The following CTNNA3 variants were observed in gnomAD, a reference collection of about 807,000 sequenced individuals.
CTNNA3 encodes catenin alpha-3.
CTNNA3 carries 76 observed loss-of-function variants against 95.7 expected under a neutral mutation model. The observed-to-expected ratio is 0.79, with a 90% CI of 0.66 to 0.96. The LOEUF (loss-of-function observed/expected upper bound fraction) is 0.96, where lower values mean the gene tolerates loss of function less well. Ranked by LOEUF, CTNNA3 falls within the 40% of genes least tolerant of loss-of-function variation. The pLI, the probability that CTNNA3 is intolerant of heterozygous loss-of-function variation, is 0.00. For missense variants in CTNNA3, 1,191 were observed against 1,089.8 expected, an observed-to-expected ratio of 1.09 and a Z score of -1.31; for synonymous variants, 431 against 374.4, an observed-to-expected ratio of 1.15 and a Z score of -1.74.
chr10:67,642,123 A>T (rs59723636), intron 2 of CTNNA3, among the ~76,000 whole-genome samples: 20,185 of 152,122 alleles, frequency 0.13, 2,411 homozygotes, highest in African/African-American at 0.32. Context: ...GACATAGGCA[A>T]AGGCAAAGAT....
chr10:66,245,972 A>G (rs979667936), intron 13 of CTNNA3, among the ~76,000 whole-genome samples: 1 of 152,192 alleles, frequency 6.6e-6, no homozygotes, highest in Non-Finnish European at 1.5e-5. Flanking sequence ...ATGGGCAACC[A>G]TTGGTGGGCC....
intron 5 of CTNNA3, among the ~76,000 whole-genome samples, chr10:67,244,951 C>T (rs182871979): frequency 1.5e-4 from 23 of 152,266 alleles, no homozygotes; most frequent in Non-Finnish European, 1.2e-4. Context: ...AAGCTTCTCC[C>T]CTTCTCTCAT....
At chr10:67,155,980 A>G (rs748824599) in intron 7 of CTNNA3, among the ~76,000 whole-genome samples, 26 of 152,114 alleles carry the variant, frequency 1.7e-4, no homozygotes, top group Non-Finnish European at 2.4e-4. Flanking sequence ...CTAGTTACAT[A>G]TAATGATCAG....
In CTNNA3 at chr10:67,689,900, A is replaced by G. The variant is rs574072889; in HGVS notation, c.-6+6100T>C. Among the ~76,000 whole-genome samples the G allele has an allele frequency of 4.6e-5, 7 of 152,290 alleles. No homozygotes were observed. The East Asian group carries it at 1.2e-3, about 25-fold the overall frequency. ...ATTCTAAGGAAAAACAGGACAGAATAGCAAGCAAAAGGGGTCTGATGGTAC... is the reference window on the plus strand; with the variant it reads ...ATTCTAAGGAAAAACAGGACAGAATGGCAAGCAAAAGGGGTCTGATGGTAC... On this transcript the variant is annotated intron_variant, in intron 1 of 17. Coordinates refer to ENST00000433211, the MANE Select transcript of CTNNA3 (RefSeq NM_013266.4).
chr10:66,351,313 TGTAA>T (rs1408357584), intron 12 of CTNNA3, among the ~76,000 whole-genome samples: 1 of 152,068 alleles, frequency 6.6e-6, no homozygotes, highest in Admixed American at 6.5e-5. Flanking sequence ...ATGAGGTTGC[TGTAA>T]GTATTTCCTC....
In CTNNA3 at chr10:67,583,795, T is replaced by G. The variant is rs549167956; in HGVS notation, c.292+23062A>C. Among the ~76,000 whole-genome samples, 8 of 152,296 alleles carry G rather than the reference T, an allele frequency of 5.3e-5. No individual in the cohort carries two copies. In the South Asian group the frequency reaches 1.7e-3, roughly 32 times the overall value. On this transcript the variant is annotated intron_variant, in intron 3 of 17. Coordinates refer to ENST00000433211, the MANE Select transcript of CTNNA3 (RefSeq NM_013266.4). ...TTTTCTCTAAACTTCTCTTCTCGCTTCGTTTAATTCATTTGATCTTCAATC... is the reference window on the plus strand; with the variant it reads ...TTTTCTCTAAACTTCTCTTCTCGCTGCGTTTAATTCATTTGATCTTCAATC...
upstream of CTNNA3, among the ~76,000 whole-genome samples, chr10:67,697,477 C>G (rs1206353546): frequency 1.3e-5 from 2 of 152,152 alleles, no homozygotes; most frequent in Non-Finnish European, 2.9e-5. Flanking sequence ...CTATCATAAG[C>G]CTAGCTTGTC....
At chr10:66,662,351 G>A (rs1294355485) in intron 9 of CTNNA3, among the ~76,000 whole-genome samples, 3 of 152,112 alleles carry the variant, frequency 2.0e-5, no homozygotes, top group Non-Finnish European at 4.4e-5. Context: ...AACTTTAAGA[G>A]GGCGTTTAGC....
chr10:65,938,225 C>A (rs1173698274), intron 17 of CTNNA3, among the ~76,000 whole-genome samples: 1 of 152,132 alleles, frequency 6.6e-6, no homozygotes, highest in Non-Finnish European at 1.5e-5. Flanking sequence ...TCCGTTGATA[C>A]TAGAATCTTA....
At chr10:66,518,086 A>G (rs1418955253) in intron 11 of CTNNA3, among the ~76,000 whole-genome samples, 1 of 152,126 alleles carries the variant, frequency 6.6e-6, no homozygotes, top group Admixed American at 6.5e-5. Flanking sequence ...ATCTAGGTAT[A>G]TGAGATAAGG....
At chr10:66,646,472 G>A (rs1263006470) in intron 9 of CTNNA3, among the ~76,000 whole-genome samples, 1 of 152,110 alleles carries the variant, frequency 6.6e-6, no homozygotes, top group Non-Finnish European at 1.5e-5. Context: ...CAAGTGGAAG[G>A]GGTAGGGAGT....
intron 5 of CTNNA3, among the ~76,000 whole-genome samples, chr10:67,270,439 C>T (rs367819295): frequency 6.6e-6 from 1 of 152,100 alleles, no homozygotes; most frequent in African/African-American, 2.4e-5. Context: ...AAAGGAAACA[C>T]GTTAACCAGA....
intron 5 of CTNNA3, among the ~76,000 whole-genome samples, chr10:67,335,544 A>G (rs1046768839): frequency 2.0e-5 from 3 of 152,164 alleles, no homozygotes; most frequent in Non-Finnish European, 4.4e-5. Flanking sequence ...TACAACCACT[A>G]TCACTCACTG....
At chr10:66,914,130 C>CTTTTTTTTTTTTTTTCTTTTTTT (rs1846358790) in intron 7 of CTNNA3, among the ~76,000 whole-genome samples, 27 of 120,272 alleles carry the variant, frequency 2.2e-4, no homozygotes, top group African/African-American at 8.4e-4. Flanking sequence ...AGGGTGCCTT[C>CTTTTTTTTTTTTTTTCTTTTTTT]TTTTTTTTTT....
chr10:65,930,445 T>C (rs2077235109), intron 17 of CTNNA3, among the ~76,000 whole-genome samples: 1 of 152,120 alleles, frequency 6.6e-6, no homozygotes, highest in Non-Finnish European at 1.5e-5. Flanking sequence ...CTGTCAATTT[T>C]CTCCCATTGG....
chr10:66,011,344 T>G (rs1427363587), intron 15 of CTNNA3, among the ~76,000 whole-genome samples: 1 of 152,162 alleles, frequency 6.6e-6, no homozygotes, highest in African/African-American at 2.4e-5. Flanking sequence ...GTCTCTTCTC[T>G]TTCTCTTCTC....
chr10:65,914,688 A>G lies in CTNNA3; in HGVS notation c.*5642T>C, dbSNP rs941411143. On this transcript the variant is annotated 3_prime_UTR_variant, in exon 18 of 18. Transcript: ENST00000433211. ...GAAAGGATTGGTGTTAACAAATGGT[A>G]TTAACCAACCAATACTGAAGATGGG... is the stretch of plus-strand genomic sequence containing the variant. 2.6e-5 allele frequency: 4 copies of G among 152,182 alleles called. No individual in the cohort carries two copies. Among genetic ancestry groups the G allele is most frequent in the African/African-American group, 9.6e-5 (4 of 41,454 alleles). The allele number at this position is 152,182 out of a possible 1,614,324, so 9.4% of individuals were successfully genotyped here.
chr10:66,810,915 A>C (rs1841849873), intron 7 of CTNNA3, among the ~76,000 whole-genome samples: 1 of 152,146 alleles, frequency 6.6e-6, no homozygotes, highest in Non-Finnish European at 1.5e-5. Context: ...CTGTTATATT[A>C]GTCATCTTCC....
At chr10:67,449,938 C>G (rs915125654) in intron 5 of CTNNA3, among the ~76,000 whole-genome samples, 1 of 151,884 alleles carries the variant, frequency 6.6e-6, no homozygotes, top group Non-Finnish European at 1.5e-5. Context: ...GAAACTTAAA[C>G]AAATTTACAA....
Sources: allele counts gnomAD v4.1 joint callset (sites outside exome capture counted in the v4.1 genomes callset), GRCh38; gene constraint gnomAD v4.1.1; transcripts MANE v1.5; gene names NCBI Gene and HGNC (gene_info 2026-07-23, HGNC 2026-07-21).